The following LAMA1 variants were observed in gnomAD, a reference collection of about 807,000 sequenced individuals.
LAMA1 encodes the protein laminin subunit alpha-1.
Under a neutral mutation model 348.7 loss-of-function variants are expected in LAMA1, and 219 were observed. The ratio of observed to expected loss-of-function variants is 0.63; its 90% CI spans 0.56 to 0.70. The LOEUF is 0.70. Among genes scored for constraint, LAMA1 ranks in the 30% least tolerant of loss-of-function variants. LAMA1 has a pLI of 0.00. For missense variants in LAMA1, 3,744 were observed against 3,888.0 expected (o/e 0.96, Z 0.99); for synonymous variants, 1,487 against 1,491.0 (o/e 1.00, Z 0.06).
chr18:7,025,838 G>T, intron 17 of LAMA1, 141 bp downstream of exon 17: 1 of 1,237,204 alleles, frequency 8.1e-7, no homozygotes, highest in Non-Finnish European at 1.2e-6. Context: ...CCACCCCTCT[G>T]TCTTTAATCC....
chr18:7,057,471 CTTT>C (rs552843703), intron 3 of LAMA1, among the ~76,000 whole-genome samples: 5 of 90,808 alleles, frequency 5.5e-5, no homozygotes, highest in African/African-American at 1.4e-4. Flanking sequence ...CTTTTCTTTT[CTTT>C]TTTTTTTTTT....
chr18:7,093,161 A>T (rs886260505), intron 1 of LAMA1, among the ~76,000 whole-genome samples: 2 of 152,304 alleles, frequency 1.3e-5, no homozygotes, highest in African/African-American at 4.8e-5. Context: ...TCACGCCTGT[A>T]ATCCCAGCAC....
chr18:6,973,038 A>T lies in LAMA1; in HGVS notation c.6774+19T>A. 1 of 1,613,886 alleles carries T rather than the reference A, an allele frequency of 6.2e-7. No homozygotes were observed. Among genetic ancestry groups the T allele is most frequent in the Non-Finnish European group, 8.5e-7 (1 of 1,179,764 alleles). On this transcript the variant is annotated intron_variant, in intron 47 of 62. Coordinates refer to ENST00000389658, the MANE Select transcript of LAMA1 (RefSeq NM_005559.4). Reference sequence around the variant, plus strand: ...AATCAGTCAATCAGTCCTGTTCAGAAGAACTTTCGTAATGTTACCTTGATT... The same window carrying T: ...AATCAGTCAATCAGTCCTGTTCAGATGAACTTTCGTAATGTTACCTTGATT...
intron 42 of LAMA1, among the ~76,000 whole-genome samples, chr18:6,979,997 T>C (rs569849346): frequency 1.3e-5 from 2 of 151,828 alleles, no homozygotes; most frequent in African/African-American, 4.9e-5. Context: ...GCTTCTCTGT[T>C]ACAATAAAAT....
chr18:7,082,402 C>T (rs949997164), intron 1 of LAMA1, among the ~76,000 whole-genome samples: 14 of 151,988 alleles, frequency 9.2e-5, no homozygotes, highest in Admixed American at 2.0e-4. Context: ...ATGCTTTATG[C>T]GGAACCAGAT....
intron 3 of LAMA1, among the ~76,000 whole-genome samples, chr18:7,053,125 T>A (rs4344836): frequency 0.21 from 31,493 of 152,192 alleles, 9,582 homozygotes; most frequent in African/African-American, 0.67. Flanking sequence ...TGACACTGTG[T>A]CAAAGGCAAA....
At chr18:7,044,259 C>T (rs1376626478) in intron 7 of LAMA1, among the ~76,000 whole-genome samples, 1 of 147,140 alleles carries the variant, frequency 6.8e-6, no homozygotes. Flanking sequence ...GATATGTTAA[C>T]ATATGCGTTA....
In LAMA1 at chr18:6,958,524, C is replaced by T. The variant is rs964473187; in HGVS notation, c.7917G>A (p.Met2639Ile). 6.2e-7 allele frequency: 1 copy of T among 1,614,068 alleles called. No individual in the cohort carries two copies. Among genetic ancestry groups the T allele is most frequent in the African/African-American group, 1.3e-5 (1 of 74,932 alleles). ...PEGEGTSLLT[M>I]RRSFHGCIKN... is the part of the protein sequence containing the mutation. ...TGATACAGCCATGGAACGATCTTCT[C>T]ATTGTGAGCAGTGACGTCCCCTCTC... Residue 2639 changes from methionine (M) to isoleucine (I), a missense_variant, in exon 55 of 63, where the codon ATG becomes ATA. Met to Ile is a conservative substitution (Grantham distance 10). Transcript: ENST00000389658.
chr18:7,040,625 T>G (rs1437086241), intron 9 of LAMA1, among the ~76,000 whole-genome samples: 3 of 152,178 alleles, frequency 2.0e-5, no homozygotes, highest in Non-Finnish European at 2.9e-5. Context: ...GTTATAGAGT[T>G]GCCATAAGAT....
chr18:7,117,652 G>A lies in LAMA1; in HGVS notation c.61+8C>T. ...GGACAGGGACCCTAGGACCCGGGCCGGGCTCACCTCTCTGCCGGCACTGCG... is the reference window on the plus strand; with the variant it reads ...GGACAGGGACCCTAGGACCCGGGCCAGGCTCACCTCTCTGCCGGCACTGCG... On this transcript the variant is annotated splice_region_variant and intron_variant, in intron 1 of 62. Transcript: ENST00000389658. The A allele has an allele frequency of 6.3e-7, 1 of 1,596,890 alleles. No individual in the cohort carries two copies.
At chr18:7,097,500 T>G (rs2058266704) in intron 1 of LAMA1, among the ~76,000 whole-genome samples, 1 of 6,234 alleles carries the variant, frequency 1.6e-4, no homozygotes, top group African/African-American at 3.5e-4. Context: ...CTCAGCTGGC[T>G]TTTTTTTTTT....
intron 36 of LAMA1, among the ~76,000 whole-genome samples, chr18:6,991,509 G>C (rs932102316): frequency 1.3e-5 from 2 of 150,860 alleles, no homozygotes; most frequent in Admixed American, 6.6e-5. Flanking sequence ...TCCTGCCTCA[G>C]CCTCCCGAGT....
chr18:7,026,188 C>T lies in LAMA1; in HGVS notation c.2275-82G>A, dbSNP rs510991. Reference sequence around the variant, plus strand: ...ATCTATAAGCAACTTGAAGTCCAAGCGGAAAAAAAAAAGACAAAATGCTAA... The same window carrying T: ...ATCTATAAGCAACTTGAAGTCCAAGTGGAAAAAAAAAAGACAAAATGCTAA... On this transcript the variant is annotated intron_variant, in intron 16 of 62. Coordinates refer to ENST00000389658, the MANE Select transcript of LAMA1 (RefSeq NM_005559.4). The T allele has an allele frequency of 0.31, 467,881 of 1,506,658 alleles. 78,012 individuals are homozygous for T. The highest frequency in any genetic ancestry group is 0.59 in the African/African-American group (42,209 of 72,012). 93.3% of individuals were successfully genotyped at this position (1,506,658 alleles called of 1,614,324 possible). A position where few individuals can be genotyped will look rare whatever the true frequency, so the allele number is the denominator to read the frequency against.
intron 1 of LAMA1, among the ~76,000 whole-genome samples, chr18:7,104,718 A>T (rs2143825849): frequency 6.6e-6 from 1 of 152,378 alleles, no homozygotes; most frequent in East Asian, 1.9e-4. Context: ...TGACACGGTC[A>T]ACCTCACAGT....
chr18:6,966,341 T>G (rs1229821971), intron 48 of LAMA1, 44 bp from the exon 49 acceptor site: 1 of 1,576,696 alleles, frequency 6.3e-7, no homozygotes, highest in Non-Finnish European at 8.7e-7. Context: ...CTCAGGAGGG[T>G]AGAAAGAACC....
At chr18:7,043,979 C>G (rs2058031519) in intron 7 of LAMA1, among the ~76,000 whole-genome samples, 1 of 151,762 alleles carries the variant, frequency 6.6e-6, no homozygotes. Flanking sequence ...CACAGTGAAA[C>G]CCCGTCTCTA....
At chr18:7,003,532 A>T (rs1568026511) in intron 29 of LAMA1, among the ~76,000 whole-genome samples, 1 of 152,192 alleles carries the variant, frequency 6.6e-6, no homozygotes, top group Admixed American at 6.5e-5. Flanking sequence ...TGCTGGGATT[A>T]CAGGCGTGAG....
At chr18:7,051,056 C>G (rs1333382621) in intron 3 of LAMA1, 120 bp from the exon 4 acceptor site, 2 of 1,335,582 alleles carry the variant, frequency 1.5e-6, no homozygotes, top group African/African-American at 2.9e-5. Flanking sequence ...TAGAATCAGA[C>G]AGTAGAATGG....
intron 48 of LAMA1, among the ~76,000 whole-genome samples, chr18:6,966,997 T>C (rs933333498): frequency 6.6e-6 from 1 of 152,152 alleles, no homozygotes; most frequent in African/African-American, 2.4e-5. Flanking sequence ...CAAAAATAAT[T>C]TTCTGGAATA....
Sources: gnomAD v4.1 joint callset for allele counts (sites outside exome capture counted in the v4.1 genomes callset) on GRCh38, gnomAD v4.1.1 for gene constraint, MANE v1.5 for transcripts, NCBI Gene and HGNC (gene_info 2026-07-23, HGNC 2026-07-21) for gene names.